The following MAP7 variants were observed in gnomAD, a reference collection of about 807,000 sequenced individuals.
MAP7 encodes ensconsin.
Under a neutral mutation model 94.8 loss-of-function variants are expected in MAP7, and 52 were observed. The ratio of observed to expected loss-of-function variants is 0.55; its 90% confidence interval spans 0.44 to 0.69. The LOEUF is 0.69. MAP7 is among the 30% of genes least tolerant of loss of function. The pLI is 0.00. For synonymous variants in MAP7, 350 were observed against 357.0 expected (o/e 0.98, Z 0.22); for missense variants, 940 against 964.6 (o/e 0.97, Z 0.34).
chr6:136,547,074 C>T (rs761474464), intron 1 of MAP7, among the ~76,000 whole-genome samples: 2 of 152,170 alleles, frequency 1.3e-5, no homozygotes, highest in African/African-American at 2.4e-5. Context: ...ACCAAATTGA[C>T]GTCTGAGCCC....
chr6:136,499,675 T>C (rs1819296848), intron 1 of MAP7, among the ~76,000 whole-genome samples: 1 of 152,160 alleles, frequency 6.6e-6, no homozygotes, highest in South Asian at 2.1e-4. Context: ...TTCTCTGTGT[T>C]TTGTTTTTAC....
At chr6:136,541,943 C>T (rs775145922) in intron 1 of MAP7, among the ~76,000 whole-genome samples, 6 of 152,036 alleles carry the variant, frequency 3.9e-5, no homozygotes, top group Admixed American at 2.0e-4. Flanking sequence ...CCTGTAGTCC[C>T]GGCTACTCGG....
At chr6:136,411,823 A>G (rs1002317426) in intron 2 of MAP7, 126 bp from the exon 3 acceptor site, 3 of 718,656 alleles carry the variant, frequency 4.2e-6, no homozygotes, top group African/African-American at 3.6e-5. Flanking sequence ...CTTTACAACA[A>G]TAAGTACATG....
chr6:136,494,530 C>A (rs565295961), intron 1 of MAP7, among the ~76,000 whole-genome samples: 2 of 152,152 alleles, frequency 1.3e-5, no homozygotes, highest in East Asian at 3.9e-4. Flanking sequence ...GTACTTAATG[C>A]AACTGAACTA....
chr6:136,541,731 A>G (rs1829336669), intron 1 of MAP7, among the ~76,000 whole-genome samples: 1 of 152,160 alleles, frequency 6.6e-6, no homozygotes, highest in Non-Finnish European at 1.5e-5. Context: ...AGTTTTTCTC[A>G]GTGTCAAATA....
rs2128896255 is a variant in MAP7, at chr6:136,456,599, G to C, written c.68-34800C>G. On this transcript the variant is annotated intron_variant, in intron 1 of 17. Coordinates refer to ENST00000354570, the MANE Select transcript of MAP7 (RefSeq NM_003980.6). ...AGGTGGAAGGATCACCTGATCCCAG[G>C]AGATCAAGGCTGCAGTGGTCCATGA... Among the ~76,000 whole-genome samples the C allele has an allele frequency of 1.3e-5, 2 of 151,794 alleles. 1 individual carries two copies. The highest frequency in any genetic ancestry group is 4.2e-4 in the South Asian group (2 of 4,788).
chr6:136,449,548 A>G (rs1284984972), intron 1 of MAP7, among the ~76,000 whole-genome samples: 3 of 152,222 alleles, frequency 2.0e-5, no homozygotes, highest in Non-Finnish European at 4.4e-5. Context: ...CCTTATTTGA[A>G]CATGATTTGA....
intron 2 of MAP7, among the ~76,000 whole-genome samples, chr6:136,412,260 A>G (rs952025821): frequency 6.6e-6 from 1 of 152,178 alleles, no homozygotes. Context: ...GACTGTTAGT[A>G]GAGTGTGTAG....
chr6:136,429,077 G>T (rs1794135181), intron 1 of MAP7, among the ~76,000 whole-genome samples: 1 of 151,918 alleles, frequency 6.6e-6, no homozygotes, highest in African/African-American at 2.4e-5. Context: ...TTCCTCTCTT[G>T]CATCCTTCAT....
intron 2 of MAP7, 130 bp from the exon 3 acceptor site, chr6:136,411,827 G>A: frequency 2.9e-6 from 2 of 694,358 alleles, no homozygotes; most frequent in Non-Finnish European, 4.7e-6. Flanking sequence ...ACAACAATAA[G>A]TACATGTGAC....
At chr6:136,392,773 A>C (rs914693799) in intron 3 of MAP7, among the ~76,000 whole-genome samples, 2 of 152,222 alleles carry the variant, frequency 1.3e-5, no homozygotes, top group African/African-American at 4.8e-5. Flanking sequence ...CAGAAGAATC[A>C]GATGTGTACC....
At chr6:136,439,037 T>TCAA (rs540802178) in intron 1 of MAP7, among the ~76,000 whole-genome samples, 109 of 152,324 alleles carry the variant, frequency 7.2e-4, no homozygotes, top group Middle Eastern at 3.4e-3. Context: ...TGAAGTGAGA[T>TCAA]CTTCATTTTA....
chr6:136,481,804 G>A (rs1265703475), intron 1 of MAP7, among the ~76,000 whole-genome samples: 2 of 152,128 alleles, frequency 1.3e-5, no homozygotes, highest in African/African-American at 2.4e-5. Context: ...AATGCTTGTG[G>A]TAATGAACAC....
intron 1 of MAP7, among the ~76,000 whole-genome samples, chr6:136,505,277 G>GTGTATA (rs1465266004): frequency 3.4e-3 from 184 of 53,812 alleles, no homozygotes; most frequent in Non-Finnish European, 4.3e-3. Context: ...GTGTGTGTGT[G>GTGTATA]TATATATATA....
At chr6:136,473,571 CT>C (rs1355119733) in intron 1 of MAP7, among the ~76,000 whole-genome samples, 1 of 152,034 alleles carries the variant, frequency 6.6e-6, no homozygotes. Context: ...TCTAAAATGC[CT>C]TTATTAATGG....
At chr6:136,548,922 C>T (rs377401323) in intron 1 of MAP7, among the ~76,000 whole-genome samples, 114 of 152,302 alleles carry the variant, frequency 7.5e-4, no homozygotes, top group Non-Finnish European at 1.4e-3. Flanking sequence ...TCATCAAATT[C>T]CCGAAAGCAA....
rs544838979 is a variant in MAP7, at chr6:136,400,347, C to T, written c.245-10830G>A. On this transcript the variant is annotated intron_variant, in intron 3 of 17. Transcript: ENST00000354570. ...AGGAGAATCACTTGAACCTGGGAGG[C>T]GGAGGTTGCAGTGAGCCAAGATTGC... Among the ~76,000 whole-genome samples, 6 of 149,038 alleles carry T rather than the reference C, an allele frequency of 4.0e-5. No homozygotes were observed. In the South Asian group the frequency reaches 6.4e-4, roughly 16 times the overall value.
At position 136,343,121 on chromosome 6, in the gene MAP7, C is replaced by T. The variant is rs1028172483; in HGVS notation, c.*1107G>A. On this transcript the variant is annotated 3_prime_UTR_variant, in exon 18 of 18. Transcript: ENST00000354570. Reference sequence around the variant, plus strand: ...TAAAATAAAACTGAATTTATATTAGCAAATGAAAGTGCAAGTTTGTACAGC... The same window carrying T: ...TAAAATAAAACTGAATTTATATTAGTAAATGAAAGTGCAAGTTTGTACAGC... 1 of 152,552 alleles carries T rather than the reference C, an allele frequency of 6.6e-6. No individual in the cohort carries two copies. Among genetic ancestry groups the T allele is most frequent in the Non-Finnish European group, 1.5e-5 (1 of 68,026 alleles). 9.4% of individuals were successfully genotyped at this position (152,552 alleles called of 1,614,324 possible). A position where few individuals can be genotyped will look rare whatever the true frequency, so the allele number is the denominator to read the frequency against.
chr6:136,524,805 T>G (rs533007312), intron 1 of MAP7, among the ~76,000 whole-genome samples: 11 of 152,258 alleles, frequency 7.2e-5, no homozygotes, highest in South Asian at 2.1e-4. Flanking sequence ...TATCATTGCT[T>G]AAATATTTGC....
Sources: gnomAD v4.1 joint callset for allele counts (sites outside exome capture counted in the v4.1 genomes callset) on GRCh38, gnomAD v4.1.1 for gene constraint, MANE v1.5 for transcripts, NCBI Gene and HGNC (gene_info 2026-07-23, HGNC 2026-07-21) for gene names.